Variants in LRRC4C observed in about 807,000 individuals in gnomAD.
The protein encoded by LRRC4C is leucine-rich repeat-containing protein 4C.
LRRC4C carries 5 observed loss-of-function variants against 33.6 expected under a neutral mutation model. The observed-to-expected ratio is 0.15, with a 90% confidence interval of 0.08 to 0.31. LRRC4C has a LOEUF of 0.31. Ranked by LOEUF, LRRC4C falls within the 10% of genes least tolerant of loss-of-function variation. The probability of loss-of-function intolerance (pLI) is 1.00; values close to 1 mark genes in which losing one functional copy is unlikely to be tolerated. For synonymous variants in LRRC4C, 329 were observed against 302.0 expected (o/e 1.09, Z -0.93); for missense variants, 560 against 796.7 (o/e 0.70, Z 3.58).
chr11:40,617,039 C>A lies in LRRC4C; in HGVS notation c.-270+31103G>T, dbSNP rs12288835. Reference sequence around the variant, plus strand: ...ATAGCCACTTCACTCATTTTTAAGTCCCCATTACCATGGGCTTCATTTGCA... The same window carrying A: ...ATAGCCACTTCACTCATTTTTAAGTACCCATTACCATGGGCTTCATTTGCA... On this transcript the variant is annotated intron_variant, in intron 3 of 6. Transcript: ENST00000528697. 2.9e-3 allele frequency among the ~76,000 whole-genome samples: 438 copies of A among 151,668 alleles called. 1 individual carries two copies. Among genetic ancestry groups the A allele is most frequent in the African/African-American group, 0.01 (422 of 41,438 alleles).
chr11:41,069,804 A>C (rs1159769433), intron 1 of LRRC4C, among the ~76,000 whole-genome samples: 2 of 152,214 alleles, frequency 1.3e-5, no homozygotes, highest in Non-Finnish European at 2.9e-5. Context: ...ATCCTTATGG[A>C]TAGGAAGAAT....
chr11:40,742,758 A>C (rs372947131), intron 2 of LRRC4C, among the ~76,000 whole-genome samples: 1 of 151,974 alleles, frequency 6.6e-6, no homozygotes, highest in African/African-American at 2.4e-5. Flanking sequence ...CTGTTCACTG[A>C]TTTGTGCTAC....
intron 2 of LRRC4C, among the ~76,000 whole-genome samples, chr11:40,812,818 C>A (rs144746354): frequency 2.0e-5 from 3 of 152,028 alleles, no homozygotes; most frequent in Admixed American, 6.5e-5. Flanking sequence ...GAGAAACCTT[C>A]GGTTACCTAT....
At chr11:40,835,567 C>G (rs1952633648) in intron 2 of LRRC4C, among the ~76,000 whole-genome samples, 1 of 152,146 alleles carries the variant, frequency 6.6e-6, no homozygotes, top group Admixed American at 6.5e-5. Flanking sequence ...TGATTTTATA[C>G]ATCTATTTGT....
At chr11:40,157,854 T>A (rs145919420) in intron 5 of LRRC4C, among the ~76,000 whole-genome samples, 1 of 152,072 alleles carries the variant, frequency 6.6e-6, no homozygotes, top group Non-Finnish European at 1.5e-5. Flanking sequence ...GTGTGGAGAT[T>A]CCTTAAAAAA....
At chr11:40,455,079 G>A (rs1300194115) in intron 3 of LRRC4C, among the ~76,000 whole-genome samples, 1 of 152,118 alleles carries the variant, frequency 6.6e-6, no homozygotes, top group East Asian at 1.9e-4. Flanking sequence ...CAGCACAACT[G>A]GCTTCAACCA....
intron 3 of LRRC4C, among the ~76,000 whole-genome samples, chr11:40,345,585 C>T (rs1026583234): frequency 6.6e-6 from 1 of 152,086 alleles, no homozygotes; most frequent in Non-Finnish European, 1.5e-5. Flanking sequence ...ATACCTACAA[C>T]TATAAAAACC....
chr11:40,830,611 A>T (rs2135542574), intron 2 of LRRC4C, among the ~76,000 whole-genome samples: 1 of 152,210 alleles, frequency 6.6e-6, no homozygotes, highest in Non-Finnish European at 1.5e-5. Flanking sequence ...AATAAAGGAG[A>T]GGCATGTTAG....
intron 2 of LRRC4C, among the ~76,000 whole-genome samples, chr11:40,809,126 AT>A (rs1490821799): frequency 2.6e-5 from 4 of 152,076 alleles, no homozygotes; most frequent in African/African-American, 9.7e-5. Flanking sequence ...TCCAACAACC[AT>A]CTCAATTCTC....
intron 5 of LRRC4C, among the ~76,000 whole-genome samples, chr11:40,225,897 G>A (rs1864760402): frequency 6.6e-6 from 1 of 152,198 alleles, no homozygotes; most frequent in African/African-American, 2.4e-5. Context: ...GGGATTACAG[G>A]CGTGAGCCAC....
intron 1 of LRRC4C, among the ~76,000 whole-genome samples, chr11:41,281,104 TCA>T (rs1188271498): frequency 0.1 from 10,268 of 101,996 alleles, 514 homozygotes; most frequent in South Asian, 0.21. Flanking sequence ...TCTCTCTCTC[TCA>T]CACACACACA....
At chr11:40,875,542 T>C (rs905250292) in intron 2 of LRRC4C, among the ~76,000 whole-genome samples, 2 of 152,266 alleles carry the variant, frequency 1.3e-5, no homozygotes, top group African/African-American at 4.8e-5. Flanking sequence ...TTGGGTCTCA[T>C]TCCAAGATAT....
chr11:40,260,734 G>C (rs1414923257), intron 4 of LRRC4C, among the ~76,000 whole-genome samples: 1 of 152,050 alleles, frequency 6.6e-6, no homozygotes, highest in Non-Finnish European at 1.5e-5. Flanking sequence ...GAGCAGCCCA[G>C]GAGTCAGCAA....
chr11:40,408,792 T>C (rs968690062), intron 3 of LRRC4C, among the ~76,000 whole-genome samples: 1 of 151,952 alleles, frequency 6.6e-6, no homozygotes, highest in Non-Finnish European at 1.5e-5. Flanking sequence ...GGATATTTTG[T>C]GTTCATGGAT....
At chr11:40,728,625 CAAAAA>C (rs60355454) in intron 2 of LRRC4C, among the ~76,000 whole-genome samples, 1 of 51,270 alleles carries the variant, frequency 2.0e-5, no homozygotes, top group Admixed American at 2.5e-4. Flanking sequence ...GACTCCGTCT[CAAAAA>C]AAAAAAAAAA....
At chr11:41,023,488 T>C (rs1402777596) in intron 1 of LRRC4C, among the ~76,000 whole-genome samples, 1 of 151,768 alleles carries the variant, frequency 6.6e-6, no homozygotes, top group African/African-American at 2.4e-5. Context: ...GCTCTAACAA[T>C]TAAATGACAT....
At chr11:40,325,586 C>A (rs921368965) in intron 3 of LRRC4C, among the ~76,000 whole-genome samples, 2 of 151,832 alleles carry the variant, frequency 1.3e-5, no homozygotes, top group Non-Finnish European at 2.9e-5. Context: ...TTTGATGATG[C>A]CACTGTTCTG....
At chr11:41,118,720 T>C (rs1004230671) in intron 1 of LRRC4C, among the ~76,000 whole-genome samples, 7 of 152,170 alleles carry the variant, frequency 4.6e-5, no homozygotes, top group African/African-American at 1.4e-4. Context: ...CCTTTTGTTA[T>C]GGCAAGAGGT....
intron 2 of LRRC4C, among the ~76,000 whole-genome samples, chr11:40,775,796 G>A (rs1427579283): frequency 6.6e-6 from 1 of 152,110 alleles, no homozygotes; most frequent in Non-Finnish European, 1.5e-5. Context: ...GTTCTTGCTT[G>A]GACTTCCAGC....
Sources: gnomAD v4.1 joint callset for allele counts (sites outside exome capture counted in the v4.1 genomes callset) on GRCh38, gnomAD v4.1.1 for gene constraint, MANE v1.5 for transcripts, NCBI Gene and HGNC (gene_info 2026-07-23, HGNC 2026-07-21) for gene names.